The following ARHGAP21 variants were observed in gnomAD, a reference collection of about 807,000 sequenced individuals.
The protein encoded by ARHGAP21 is Rho GTPase activating protein 21.
ARHGAP21 carries 38 observed loss-of-function variants against 164.6 expected under a neutral mutation model. The ratio of observed to expected loss-of-function variants is 0.23; its 90% confidence interval spans 0.18 to 0.30. The LOEUF (loss-of-function observed/expected upper bound fraction) is 0.30. Among genes scored for constraint, ARHGAP21 ranks in the 10% least tolerant of loss-of-function variants. The pLI is 1.00. For missense variants in ARHGAP21, 1,822 were observed against 2,370.7 expected (o/e 0.77, Z 4.81); for synonymous variants, 766 against 857.9 (o/e 0.89, Z 1.87).
chr10:24,717,247 T>A (rs1021669025), intron 2 of ARHGAP21, among the ~76,000 whole-genome samples: 1 of 152,180 alleles, frequency 6.6e-6, no homozygotes, highest in Non-Finnish European at 1.5e-5. Context: ...CAAGAGAGTA[T>A]AATGTCCGGG....
chr10:24,622,894 G>T, intron 7 of ARHGAP21, 132 bp from the exon 8 acceptor site: 2 of 775,832 alleles, frequency 2.6e-6, no homozygotes, highest in South Asian at 4.1e-5. Context: ...TACCAAGAGA[G>T]GTAAAGGGCA....
chr10:24,680,052 A>C (rs1841624850), intron 2 of ARHGAP21, among the ~76,000 whole-genome samples: 1 of 152,114 alleles, frequency 6.6e-6, no homozygotes, highest in African/African-American at 2.4e-5. Context: ...GAAGAAAAGA[A>C]AAAAAAAGAT....
At chr10:24,685,597 C>G (rs1842140316) in intron 2 of ARHGAP21, among the ~76,000 whole-genome samples, 1 of 152,134 alleles carries the variant, frequency 6.6e-6, no homozygotes, top group Non-Finnish European at 1.5e-5. Flanking sequence ...GTCTTCTTGG[C>G]TGGTGCAGTG....
At chr10:24,593,720 A>G (rs2076444262) in intron 21 of ARHGAP21, among the ~76,000 whole-genome samples, 1 of 152,126 alleles carries the variant, frequency 6.6e-6, no homozygotes, top group Non-Finnish European at 1.5e-5. Flanking sequence ...GACCAACAGT[A>G]CTCCTAACAT....
At chr10:24,636,236 A>T (rs1836367606) in intron 4 of ARHGAP21, among the ~76,000 whole-genome samples, 1 of 152,232 alleles carries the variant, frequency 6.6e-6, no homozygotes, top group South Asian at 2.1e-4. Context: ...AGATGAGAGG[A>T]CATTTAAGCT....
intron 25 of ARHGAP21, among the ~76,000 whole-genome samples, chr10:24,586,789 T>C (rs1013107256): frequency 6.6e-5 from 10 of 152,112 alleles, no homozygotes; most frequent in African/African-American, 2.2e-4. Context: ...GGCTCATGCC[T>C]GTAATCCCAG....
At chr10:24,630,124 C>T (rs1027332629) in intron 6 of ARHGAP21, 74 bp from the exon 7 acceptor site, 2 of 746,018 alleles carry the variant, frequency 2.7e-6, no homozygotes, top group Non-Finnish European at 4.2e-6. Flanking sequence ...AAACAGTTAA[C>T]TCAGAAGTAT....
In ARHGAP21 at chr10:24,600,769, G is replaced by A. The variant is rs758587909; in HGVS notation, c.3009C>T (p.Thr1003=). 9 of 1,613,872 alleles carry A rather than the reference G, an allele frequency of 5.6e-6. No homozygotes were observed. Among genetic ancestry groups the A allele is most frequent in the Middle Eastern group, 1.7e-4 (1 of 6,060 alleles). The part of the protein sequence containing the change: ...ACLIDISYSE[T]KRKNVFRLTT... Reference sequence around the variant, plus strand: ...TGAGTCGAAACACATTTTTCCTCTTGGTCTCACTGTAAGAGATGTCTATCA... The same window carrying A: ...TGAGTCGAAACACATTTTTCCTCTTAGTCTCACTGTAAGAGATGTCTATCA... The change falls in exon 14 of 26, where the codon ACC becomes ACT. Residue 1003 remains threonine, a synonymous_variant. Transcript: ENST00000396432.
At chr10:24,594,830 C>G in intron 21 of ARHGAP21, 120 bp downstream of exon 21, 1 of 717,242 alleles carries the variant, frequency 1.4e-6, no homozygotes, top group South Asian at 3.3e-5. Flanking sequence ...TTAAGAAGGA[C>G]TTACCCAGTT....
intron 2 of ARHGAP21, among the ~76,000 whole-genome samples, chr10:24,715,007 G>A (rs111346326): frequency 0.012 from 1,854 of 149,442 alleles, 31 homozygotes; most frequent in African/African-American, 0.036. Flanking sequence ...TCCAGCCTGG[G>A]CGACAGAGTG....
intron 25 of ARHGAP21, among the ~76,000 whole-genome samples, chr10:24,586,983 G>A (rs1396064079): frequency 2.0e-5 from 3 of 152,166 alleles, no homozygotes; most frequent in Non-Finnish European, 4.4e-5. Context: ...CAAGGCTGCA[G>A]TGAGCATGAG....
At chr10:24,638,055 T>C (rs1442499246) in intron 4 of ARHGAP21, among the ~76,000 whole-genome samples, 2 of 151,884 alleles carry the variant, frequency 1.3e-5, no homozygotes, top group Admixed American at 6.6e-5. Context: ...TTAGTAGAGA[T>C]GGGGTTTCAC....
rs57846258 is a variant in ARHGAP21 at position 24,592,156 on chromosome 10, A to ATT, written c.3877-146_3877-145dup. The ATT allele has an allele frequency of 7.1e-3, 1,524 of 213,458 alleles. 44 individuals carry two copies. The highest frequency in any genetic ancestry group is 0.037 in the African/African-American group (897 of 24,408). The allele number at this position is 213,458 out of a possible 1,614,324, so 13.2% of individuals were successfully genotyped here. ...TAAAAAAATAATGCTTTCTAGCAAG[A>ATT]TTTTTTTTTTTTTTTTTTTTTTTTT... On this transcript the variant is annotated intron_variant, in intron 21 of 25. Coordinates refer to ENST00000396432, the MANE Select transcript of ARHGAP21 (RefSeq NM_020824.4).
intron 24 of ARHGAP21, chr10:24,590,974 G>C: frequency 1.1e-6 from 1 of 920,650 alleles, no homozygotes; most frequent in Non-Finnish European, 1.3e-6. Context: ...CAAAACAGTG[G>C]TTTGCATGCT....
intron 4 of ARHGAP21, among the ~76,000 whole-genome samples, chr10:24,645,608 T>C (rs1191532947): frequency 6.6e-6 from 1 of 150,990 alleles, no homozygotes; most frequent in Non-Finnish European, 1.5e-5. Flanking sequence ...AAAAGTAGTT[T>C]CTAGTTTGGT....
intron 2 of ARHGAP21, among the ~76,000 whole-genome samples, chr10:24,697,883 A>T (rs1843315462): frequency 6.6e-6 from 1 of 152,084 alleles, no homozygotes; most frequent in Non-Finnish European, 1.5e-5. Context: ...AAATAAAAAA[A>T]ATAAAAAAAC....
Position 24,604,356 on chromosome 10 carries a change from G to A in ARHGAP21, c.2685-8C>T. 1 of 1,577,788 alleles carries A rather than the reference G, an allele frequency of 6.3e-7. No individual in the cohort carries two copies. The highest frequency in any genetic ancestry group is 8.6e-7 in the Non-Finnish European group (1 of 1,161,954). On this transcript the variant is annotated splice_region_variant and splice_polypyrimidine_tract_variant and intron_variant, in intron 11 of 25. Transcript: ENST00000396432. ...GATACGTGCTTAAAGGACCTGTTGG[G>A]GAAAAAATATATAAATATTTTCAAT...
intron 2 of ARHGAP21, among the ~76,000 whole-genome samples, chr10:24,671,723 ATTT>A (rs35051359): frequency 2.1e-5 from 3 of 140,092 alleles, no homozygotes; most frequent in African/African-American, 2.7e-5. Flanking sequence ...TCTTAACAAA[ATTT>A]TTTTTTTTTT....
chr10:24,621,197 C>G lies in ARHGAP21; in HGVS notation c.698G>C (p.Ser233Thr). 1 of 1,613,874 alleles carries G rather than the reference C, an allele frequency of 6.2e-7. No individual in the cohort carries two copies. The highest frequency in any genetic ancestry group is 8.5e-7 in the Non-Finnish European group (1 of 1,179,874). Residue 233 changes from serine to threonine, a missense_variant, in exon 9 of 26, where the codon AGT (serine) becomes ACT (threonine). Physicochemically the swap from Ser to Thr is moderately conservative, Grantham distance 58. Transcript: ENST00000396432. ...PDSSLSKQQTSTPVLTQPGRA... is the reference protein window; with the variant it reads ...PDSSLSKQQTTTPVLTQPGRA... ...ACCAGGTTGTGTCAGTACTGGTGTACTGGTTTGCTGTTTGCTCAATGATGA... is the reference window on the plus strand; with the variant it reads ...ACCAGGTTGTGTCAGTACTGGTGTAGTGGTTTGCTGTTTGCTCAATGATGA...
Sources: gnomAD v4.1 joint callset for allele counts (sites outside exome capture counted in the v4.1 genomes callset) on GRCh38, gnomAD v4.1.1 for gene constraint, MANE v1.5 for transcripts, NCBI Gene and HGNC (gene_info 2026-07-23, HGNC 2026-07-21) for gene names.